Variants in CSNK2A2IP observed in about 807,000 individuals in gnomAD.
CSNK2A2IP encodes the protein casein kinase II subunit alpha'-interacting protein.
chr3:88,446,058 C>A, the CSNK2A2IP span, among the ~76,000 whole-genome samples: 11 of 101,648 alleles, frequency 1.1e-4, no homozygotes, highest in African/African-American at 3.0e-4. Flanking sequence ...TTCTTTCTTT[C>A]TTTCTTTCTT....
chr3:88,439,152 A>C, the CSNK2A2IP span, among the ~76,000 whole-genome samples: 1 of 152,114 alleles, frequency 6.6e-6, no homozygotes, highest in South Asian at 2.1e-4. Context: ...CAATTTCCAA[A>C]ACTTAAATGC....
At chr3:88,409,946 A>G in the CSNK2A2IP span, among the ~76,000 whole-genome samples, 1 of 152,032 alleles carries the variant, frequency 6.6e-6, no homozygotes, top group African/African-American at 2.4e-5. Flanking sequence ...AGGGTGACAT[A>G]TTTTTAACTA....
At chr3:88,435,313 T>C in the CSNK2A2IP span, among the ~76,000 whole-genome samples, 1 of 152,114 alleles carries the variant, frequency 6.6e-6, no homozygotes, top group Non-Finnish European at 1.5e-5. Context: ...CAGAAATTCA[T>C]TTAGGAATGG....
At chr3:88,359,552 G>A in the CSNK2A2IP span, among the ~76,000 whole-genome samples, 1 of 151,506 alleles carries the variant, frequency 6.6e-6, no homozygotes, top group African/African-American at 2.4e-5. Context: ...TCACTAGCTT[G>A]GTATGTTGTA....
At chr3:88,449,145 T>C in the CSNK2A2IP span, among the ~76,000 whole-genome samples, 31 of 152,150 alleles carry the variant, frequency 2.0e-4, no homozygotes, top group Non-Finnish European at 3.5e-4. Flanking sequence ...AGATAAACTA[T>C]TTTTGTTTTT....
the CSNK2A2IP span, among the ~76,000 whole-genome samples, chr3:88,450,901 A>G: frequency 6.6e-6 from 1 of 152,054 alleles, no homozygotes; most frequent in Admixed American, 6.6e-5. Context: ...TTGTAGTTCT[A>G]TTTTTAATTT....
chr3:88,409,071 C>T, the CSNK2A2IP span, among the ~76,000 whole-genome samples: 7 of 152,052 alleles, frequency 4.6e-5, no homozygotes, highest in South Asian at 2.1e-4. Flanking sequence ...AGTATTTGCA[C>T]GAAAACTAGT....
At chr3:88,390,718 C>T in the CSNK2A2IP span, among the ~76,000 whole-genome samples, 5 of 152,062 alleles carry the variant, frequency 3.3e-5, no homozygotes, top group African/African-American at 1.2e-4. Flanking sequence ...CTTGAGCAGT[C>T]TGAAATAATT....
At chr3:88,387,034 GA>G in the CSNK2A2IP span, among the ~76,000 whole-genome samples, 40 of 152,136 alleles carry the variant, frequency 2.6e-4, no homozygotes, top group Non-Finnish European at 4.7e-4. Context: ...AAGTCAACAG[GA>G]AACATGAAGA....
the CSNK2A2IP span, among the ~76,000 whole-genome samples, chr3:88,378,542 T>G: frequency 1.3e-5 from 2 of 151,952 alleles, no homozygotes; most frequent in Non-Finnish European, 2.9e-5. Context: ...ACTAAAGAAT[T>G]AAACTTTTAG....
chr3:88,398,222 A>G, the CSNK2A2IP span, among the ~76,000 whole-genome samples: 1 of 152,048 alleles, frequency 6.6e-6, no homozygotes, highest in African/African-American at 2.4e-5. Context: ...TCTATGGAAG[A>G]TGAATGGCCC....
At chr3:88,453,359 A>G in the CSNK2A2IP span, among the ~76,000 whole-genome samples, 1 of 152,124 alleles carries the variant, frequency 6.6e-6, no homozygotes, top group Non-Finnish European at 1.5e-5. Context: ...AAACAATGCT[A>G]GGTTGCTCTG....
the CSNK2A2IP span, among the ~76,000 whole-genome samples, chr3:88,398,262 G>T: frequency 6.6e-6 from 1 of 152,016 alleles, no homozygotes; most frequent in Non-Finnish European, 1.5e-5. Context: ...AAAAAGCTTT[G>T]ATTTCTAGCA....
the CSNK2A2IP span, among the ~76,000 whole-genome samples, chr3:88,405,885 C>T: frequency 7.2e-5 from 11 of 152,054 alleles, no homozygotes; most frequent in Admixed American, 7.2e-4. Flanking sequence ...GATGAAAAGT[C>T]TAAGCATTCT....
the CSNK2A2IP span, among the ~76,000 whole-genome samples, chr3:88,345,831 C>T: frequency 6.6e-6 from 1 of 151,884 alleles, no homozygotes; most frequent in Non-Finnish European, 1.5e-5. Flanking sequence ...GGAAGAGCTG[C>T]ACGTCTCTCA....
At chr3:88,417,859 T>C in the CSNK2A2IP span, among the ~76,000 whole-genome samples, 1 of 152,234 alleles carries the variant, frequency 6.6e-6, no homozygotes, top group African/African-American at 2.4e-5. Context: ...TTGAATTGCC[T>C]GTGACAATTC....
chr3:88,349,061 C>G, the CSNK2A2IP span, among the ~76,000 whole-genome samples: 3 of 151,998 alleles, frequency 2.0e-5, no homozygotes, highest in African/African-American at 7.2e-5. Flanking sequence ...TCCAAGTTTT[C>G]TTGATGTTTC....
the CSNK2A2IP span, among the ~76,000 whole-genome samples, chr3:88,415,569 T>A: frequency 6.6e-6 from 1 of 151,854 alleles, no homozygotes; most frequent in African/African-American, 2.4e-5. Flanking sequence ...ATAAGGGTAC[T>A]ATGATTGTTA....
At chr3:88,394,518 A>G in the CSNK2A2IP span, among the ~76,000 whole-genome samples, 2 of 152,254 alleles carry the variant, frequency 1.3e-5, no homozygotes, top group Non-Finnish European at 2.9e-5. Flanking sequence ...GATTACAGGC[A>G]TCCGCCACCA....
Sources: allele counts gnomAD v4.1 joint callset (sites outside exome capture counted in the v4.1 genomes callset), GRCh38; gene constraint gnomAD v4.1.1; transcripts MANE v1.5; gene names NCBI Gene and HGNC (gene_info 2026-07-23, HGNC 2026-07-21).